AKAP12: variants seen among roughly 807,000 people sequenced by gnomAD.
AKAP12 encodes A-kinase anchoring protein 12.
Under a neutral mutation model 79.9 loss-of-function variants are expected in AKAP12, and 32 were observed. The ratio of observed to expected loss-of-function variants is 0.40; its 90% CI spans 0.30 to 0.54. The LOEUF (loss-of-function observed/expected upper bound fraction) is 0.54. Among genes scored for constraint, AKAP12 ranks in the 20% least tolerant of loss-of-function variants. AKAP12 has a pLI of 0.48. For synonymous variants in AKAP12, 808 were observed against 857.0 expected (o/e 0.94, Z 1.00); for missense variants, 2,074 against 2,177.0 (o/e 0.95, Z 0.94).
In AKAP12 at chr6:151,348,165, C is replaced by CA. The variant is rs1344447002; in HGVS notation, c.320-538dup. ...GAGACTCCATCTCAAAAAAAACAAA[C>CA]AAAAAAAACAAATTAGCTGGGCATG... On this transcript the variant is annotated intron_variant, in intron 3 of 4. Transcript: ENST00000402676. Among the ~76,000 whole-genome samples the CA allele has an allele frequency of 7.8e-4, 114 of 146,514 alleles. 1 individual carries two copies. The highest frequency in any genetic ancestry group is 1.2e-3 in the Non-Finnish European group (81 of 66,194).
At chr6:151,272,520 T>TAGAC (rs1261254686) in intron 2 of AKAP12, among the ~76,000 whole-genome samples, 2 of 151,814 alleles carry the variant, frequency 1.3e-5, no homozygotes, top group African/African-American at 2.4e-5. Flanking sequence ...GATAGATAGA[T>TAGAC]AGATAGATAG....
At chr6:151,262,892 G>A (rs540126330) in intron 2 of AKAP12, among the ~76,000 whole-genome samples, 1 of 152,222 alleles carries the variant, frequency 6.6e-6, no homozygotes, top group South Asian at 2.1e-4. Context: ...TCAAAGCTAA[G>A]AGAGACATTC....
chr6:151,344,459 A>C (rs1215070420), intron 3 of AKAP12, among the ~76,000 whole-genome samples: 1 of 152,188 alleles, frequency 6.6e-6, no homozygotes, highest in East Asian at 1.9e-4. Context: ...AGGTACAAGG[A>C]CAAAAAAAAA....
chr6:151,292,863 G>T (rs868079625), intron 2 of AKAP12, among the ~76,000 whole-genome samples: 9 of 152,144 alleles, frequency 5.9e-5, no homozygotes, highest in African/African-American at 2.2e-4. Flanking sequence ...TCTTCCTCTT[G>T]CCCGTCTCTG....
chr6:151,306,458 G>GCCCA (rs747443084), intron 3 of AKAP12, among the ~76,000 whole-genome samples: 27 of 152,270 alleles, frequency 1.8e-4, no homozygotes, highest in Non-Finnish European at 3.5e-4. Context: ...AGAGCATGTG[G>GCCCA]CCCAGTAAGT....
At position 151,352,713 on chromosome 6, in the gene AKAP12, G is replaced by A. The variant is rs146940125; in HGVS notation, c.4322G>A (p.Gly1441Asp). 27 of 1,614,194 alleles carry A rather than the reference G, an allele frequency of 1.7e-5. No homozygotes were observed. The East Asian group carries it at 5.6e-4, about 33-fold the overall frequency. Residue 1441 changes from glycine (G) to aspartate (D), a missense_variant, in exon 4 of 5, where the codon GGT becomes GAT. Coordinates refer to ENST00000402676, the MANE Select transcript of AKAP12 (RefSeq NM_005100.4). ...GAAACTGCCAACATTTTAGAAACAG[G>A]TGAAACGTTGGAGCCTGCAGGTGCA... Reference protein sequence around the residue: ...LGETANILETGETLEPAGAHL... With the variant: ...LGETANILETDETLEPAGAHL...
intron 3 of AKAP12, among the ~76,000 whole-genome samples, chr6:151,346,804 G>A (rs1484390008): frequency 1.3e-5 from 2 of 152,322 alleles, no homozygotes; most frequent in South Asian, 4.2e-4. Context: ...TTACAATGGT[G>A]TCTGTAAATT....
At chr6:151,328,315 G>A (rs368481492) in intron 3 of AKAP12, among the ~76,000 whole-genome samples, 2,737 of 118,784 alleles carry the variant, frequency 0.023, 83 homozygotes, top group African/African-American at 0.088. Context: ...GCGACAGAGC[G>A]AGACTCCATC....
chr6:151,313,319 G>T (rs1425509873), intron 3 of AKAP12, among the ~76,000 whole-genome samples: 2 of 152,132 alleles, frequency 1.3e-5, no homozygotes, highest in Non-Finnish European at 1.5e-5. Flanking sequence ...ACACACTTTG[G>T]TATTTCAAAT....
intron 3 of AKAP12, among the ~76,000 whole-genome samples, chr6:151,311,863 C>T (rs1777112039): frequency 6.6e-6 from 1 of 152,146 alleles, no homozygotes; most frequent in African/African-American, 2.4e-5. Flanking sequence ...AAAAGTCGTT[C>T]TTCTTTGCTT....
At chr6:151,269,912 C>A (rs375495898) in intron 2 of AKAP12, among the ~76,000 whole-genome samples, 5 of 152,152 alleles carry the variant, frequency 3.3e-5, no homozygotes, top group East Asian at 1.9e-4. Context: ...ACCACAGAGC[C>A]AAATCTGTCT....
At chr6:151,287,541 G>C (rs535397003) in intron 2 of AKAP12, among the ~76,000 whole-genome samples, 1 of 152,178 alleles carries the variant, frequency 6.6e-6, no homozygotes, top group Non-Finnish European at 1.5e-5. Flanking sequence ...GATTACAGGC[G>C]TGAGCCATCA....
chr6:151,244,473 G>A (rs144181967), intron 2 of AKAP12, among the ~76,000 whole-genome samples: 16 of 152,284 alleles, frequency 1.1e-4, no homozygotes, highest in Non-Finnish European at 1.6e-4. Context: ...GCAATGAGCC[G>A]AGTTGGCGCC....
intron 3 of AKAP12, among the ~76,000 whole-genome samples, chr6:151,317,865 T>G (rs1264935540): frequency 6.6e-6 from 1 of 152,176 alleles, no homozygotes; most frequent in Non-Finnish European, 1.5e-5. Flanking sequence ...AGCTAGAGAT[T>G]AGAGCAAGAG....
chr6:151,307,375 C>G (rs993073878), intron 3 of AKAP12, among the ~76,000 whole-genome samples: 1 of 152,144 alleles, frequency 6.6e-6, no homozygotes, highest in African/African-American at 2.4e-5. Context: ...AACAGCCTAG[C>G]CCCTGCAAAG....
chr6:151,292,042 C>T (rs1776634233), intron 2 of AKAP12, among the ~76,000 whole-genome samples: 1 of 152,236 alleles, frequency 6.6e-6, no homozygotes. Flanking sequence ...CCTCCATTTG[C>T]TAATTCCCAT....
chr6:151,308,811 G>A (rs941050783), intron 3 of AKAP12, among the ~76,000 whole-genome samples: 15 of 151,988 alleles, frequency 9.9e-5, no homozygotes, highest in African/African-American at 3.4e-4. Context: ...CAGAATCTTC[G>A]TGTTAACTTA....
intron 3 of AKAP12, among the ~76,000 whole-genome samples, chr6:151,332,316 G>A (rs546132326): frequency 5.9e-5 from 9 of 152,162 alleles, no homozygotes; most frequent in South Asian, 2.1e-4. Context: ...GATTACAGAC[G>A]TGAGCCACCG....
At chr6:151,308,506 A>G (rs1168876907) in intron 3 of AKAP12, among the ~76,000 whole-genome samples, 4 of 151,916 alleles carry the variant, frequency 2.6e-5, no homozygotes, top group Non-Finnish European at 5.9e-5. Context: ...AGCCACCGTG[A>G]CCAGCCAATT....
Sources: allele counts gnomAD v4.1 joint callset (sites outside exome capture counted in the v4.1 genomes callset), GRCh38; gene constraint gnomAD v4.1.1; transcripts MANE v1.5; gene names NCBI Gene and HGNC (gene_info 2026-07-23, HGNC 2026-07-21).